Variants in NXPE1 observed in about 807,000 individuals in gnomAD.
NXPE1 encodes neurexophilin and PC-esterase domain family member 1, also known as NXPE family member 1.
A neutral mutation model predicts 33.3 loss-of-function variants in NXPE1; 31 were observed. The ratio of observed to expected loss-of-function variants is 0.93; its 90% CI spans 0.70 to 1.26. NXPE1 has a LOEUF of 1.26. Ranked by LOEUF, NXPE1 falls within the 50% of genes most tolerant of loss-of-function variation. NXPE1 has a pLI of 0.00. For missense variants in NXPE1, 661 were observed against 655.6 expected (o/e 1.01, Z -0.09); for synonymous variants, 229 against 231.4 (o/e 0.99, Z 0.09).
chr11:114,554,378 A>T, intron 1 of NXPE1: 1 of 985,188 alleles, frequency 1.0e-6, no homozygotes, highest in Non-Finnish European at 1.2e-6. Context: ...CCTAGCTTAG[A>T]CCACAGAGGT....
rs1296199288 is a variant in NXPE1, at chr11:114,522,029, A to AT, written c.1582dup (p.Ile528AsnfsTer5). The AT allele has an allele frequency of 1.2e-5, 20 of 1,613,912 alleles. No homozygotes were observed. Among genetic ancestry groups the AT allele is most frequent in the Non-Finnish European group, 1.7e-5 (20 of 1,179,876 alleles). ...TCCAATCACATGATCAGGTGGGTGG[A>AT]TAGTGTCAGTGCCATATGCAATGGT... On this transcript the variant is annotated frameshift_variant, in exon 9 of 9. Coordinates refer to ENST00000534921, the Ensembl canonical transcript of NXPE1. LOFTEE classifies it high-confidence loss of function.
In NXPE1 at chr11:114,553,673, A is replaced by T. The variant is rs568772301; in HGVS notation, c.-210-793T>A. The T allele has an allele frequency of 1.1e-5, 11 of 967,622 alleles. No individual in the cohort carries two copies. In the African/African-American group the frequency reaches 1.4e-4, roughly 12 times the overall value. The allele number at this position is 967,622 out of a possible 1,614,324, so 59.9% of individuals were successfully genotyped here. On this transcript the variant is annotated intron_variant, in intron 1 of 8. Transcript: ENST00000534921. ...TGGCCAGATAATCTCATTTATTCCG[A>T]AATCAATGTCTCACCTAGATTCTAC...
intron 5 of NXPE1, among the ~76,000 whole-genome samples, chr11:114,531,380 C>T (rs1263245641): frequency 1.3e-5 from 2 of 152,134 alleles, no homozygotes; most frequent in Non-Finnish European, 2.9e-5. Context: ...TATCACAGTT[C>T]AAGCCACCGT....
chr11:114,557,658 TATATATATATATATAA>T (rs1260928132), intron 1 of NXPE1, among the ~76,000 whole-genome samples: 27 of 89,600 alleles, frequency 3.0e-4, no homozygotes, highest in African/African-American at 1.1e-3. Context: ...TATATATATA[TATATATATATATATAA>T]AATCCTTGTT....
downstream of NXPE1, among the ~76,000 whole-genome samples, chr11:114,519,914 CAG>C (rs1186431882): frequency 6.6e-6 from 1 of 151,642 alleles, no homozygotes; most frequent in Non-Finnish European, 1.5e-5. Context: ...TTTTTTGAGA[CAG>C]AGTCTCGCTC....
intron 7 of NXPE1, among the ~76,000 whole-genome samples, chr11:114,525,952 T>C (rs1169058855): frequency 3.3e-5 from 5 of 152,320 alleles, no homozygotes; most frequent in Non-Finnish European, 4.4e-5. Flanking sequence ...AATGTTGCCT[T>C]TTCCAGTTAT....
At chr11:114,536,080 G>C (rs4331139) in intron 5 of NXPE1, among the ~76,000 whole-genome samples, 13 of 151,996 alleles carry the variant, frequency 8.6e-5, no homozygotes, top group Non-Finnish European at 4.4e-5. Flanking sequence ...ATAACAAACT[G>C]TCTCTCAGAC....
chr11:114,552,786 A>G, intron 2 of NXPE1, 66 bp downstream of exon 2: 1 of 685,184 alleles, frequency 1.5e-6, no homozygotes, highest in Non-Finnish European at 1.8e-6. Context: ...ACTTTTATAA[A>G]TCTTAGATTC....
chr11:114,550,260 G>A (rs573211011), intron 5 of NXPE1, among the ~76,000 whole-genome samples: 5 of 152,240 alleles, frequency 3.3e-5, no homozygotes, highest in African/African-American at 1.2e-4. Flanking sequence ...GTTACAAAAC[G>A]TATGGGGAAT....
At chr11:114,522,930 C>T (rs10891692) in exon 8 of NXPE1, 546,807 of 1,611,222 alleles carry the variant, frequency 0.34, 95,871 homozygotes, top group East Asian at 0.63. Flanking sequence ...GTAGAGTCTC[C>T]CAGGAGGTAA....
intron 5 of NXPE1, among the ~76,000 whole-genome samples, chr11:114,534,896 G>A (rs1462810736): frequency 2.0e-5 from 3 of 152,144 alleles, no homozygotes; most frequent in Admixed American, 2.0e-4. Flanking sequence ...ATCTAGCAAG[G>A]CAGGCCAACA....
At chr11:114,531,912 G>T (rs1406478003) in intron 5 of NXPE1, among the ~76,000 whole-genome samples, 1 of 152,080 alleles carries the variant, frequency 6.6e-6, no homozygotes, top group African/African-American at 2.4e-5. Context: ...AGAAACACCG[G>T]CCAAGCTTTT....
intron 5 of NXPE1, among the ~76,000 whole-genome samples, chr11:114,548,150 T>G (rs1948344219): frequency 1.3e-5 from 2 of 152,074 alleles, no homozygotes; most frequent in Non-Finnish European, 2.9e-5. Flanking sequence ...GCAATGAATA[T>G]TTATGCACCG....
intron 1 of NXPE1, chr11:114,553,839 A>G (rs79858506): frequency 9.4e-6 from 9 of 958,492 alleles, no homozygotes; most frequent in Non-Finnish European, 1.1e-5. Context: ...CTGCTCATTC[A>G]GTGACATCAT....
chr11:114,538,357 C>A (rs1375480427), intron 5 of NXPE1, among the ~76,000 whole-genome samples: 3 of 152,016 alleles, frequency 2.0e-5, no homozygotes, highest in African/African-American at 2.4e-5. Context: ...ACCATTCAGG[C>A]CATAGGCATG....
rs559888298 is a variant in NXPE1, at chr11:114,534,697, G to A, written c.100-3789C>T. 1.4e-4 allele frequency among the ~76,000 whole-genome samples: 22 copies of A among 152,298 alleles called. No homozygotes were observed. In the East Asian group the frequency reaches 3.7e-3, roughly 25 times the overall value. Reference sequence around the variant, plus strand: ...AGAAAGGGTATCAGTGATGGAAGACGAAATGAATGAAATGAAGCATGAAGA... The same window carrying A: ...AGAAAGGGTATCAGTGATGGAAGACAAAATGAATGAAATGAAGCATGAAGA... On this transcript the variant is annotated intron_variant, in intron 5 of 8. Transcript: ENST00000534921.
chr11:114,525,466 A>T (rs1947340202), intron 7 of NXPE1, among the ~76,000 whole-genome samples: 1 of 152,158 alleles, frequency 6.6e-6, no homozygotes, highest in Non-Finnish European at 1.5e-5. Context: ...TGGTAGCATT[A>T]TCTGCAGAGC....
intron 5 of NXPE1, among the ~76,000 whole-genome samples, chr11:114,536,523 A>G (rs530956892): frequency 6.6e-6 from 1 of 152,298 alleles, no homozygotes; most frequent in East Asian, 1.9e-4. Context: ...AACAAAATTG[A>G]TAGACCGCTA....
intron 5 of NXPE1, among the ~76,000 whole-genome samples, chr11:114,548,293 A>G (rs981634472): frequency 3.3e-4 from 50 of 152,282 alleles, no homozygotes; most frequent in African/African-American, 1.0e-3. Context: ...TAGTAAGGCT[A>G]TTAAAGAACT....
Sources: gnomAD v4.1 joint callset for allele counts (sites outside exome capture counted in the v4.1 genomes callset) on GRCh38, gnomAD v4.1.1 for gene constraint, MANE v1.5 for transcripts, NCBI Gene and HGNC (gene_info 2026-07-23, HGNC 2026-07-21) for gene names.